FMN1: variants seen among roughly 807,000 people sequenced by gnomAD.
FMN1 encodes the protein formin 1, also known as formin-1.
A neutral mutation model predicts 132.4 loss-of-function variants in FMN1; 110 were observed. The ratio of observed to expected loss-of-function variants is 0.83; its 90% CI spans 0.71 to 0.97. The LOEUF is 0.97. FMN1 is among the 50% of genes least tolerant of loss of function. FMN1 has a pLI of 0.00. For synonymous variants in FMN1, 722 were observed against 651.7 expected, an observed-to-expected ratio of 1.11 and a Z score of -1.64; for missense variants, 1,792 against 1,705.3, an observed-to-expected ratio of 1.05 and a Z score of -0.90.
chr15:32,766,631 TG>T lies in FMN1; in HGVS notation c.*7678del, dbSNP rs1205193592. The T allele has an allele frequency of 6.7e-6, 1 of 149,262 alleles. No homozygotes were observed. The highest frequency in any genetic ancestry group is 1.5e-5 in the Non-Finnish European group (1 of 67,684). The allele number at this position is 149,262 out of a possible 1,614,324, so 9.2% of individuals were successfully genotyped here. On this transcript the variant is annotated 3_prime_UTR_variant, in exon 21 of 21. Coordinates refer to ENST00000616417, the MANE Select transcript of FMN1 (RefSeq NM_001277313.2). The stretch of plus-strand genomic sequence containing the variant: ...CCTTTTTGCTTAAGTGATGAGGTGA[TG>T]CTGACATTAACAAGAGGCAGTCACA...
At chr15:33,003,908 A>G (rs1279799737) in intron 7 of FMN1, among the ~76,000 whole-genome samples, 1 of 152,202 alleles carries the variant, frequency 6.6e-6, no homozygotes, top group Non-Finnish European at 1.5e-5. Flanking sequence ...CAACTATCTG[A>G]TCTTTGACAA....
intron 9 of FMN1, among the ~76,000 whole-genome samples, chr15:32,932,325 C>T (rs755221479): frequency 1.2e-4 from 19 of 152,262 alleles, no homozygotes; most frequent in Middle Eastern, 3.4e-3. Context: ...CACTTGAACC[C>T]GGGAGGCCAA....
chr15:33,060,055 C>T (rs1219970279), intron 6 of FMN1, among the ~76,000 whole-genome samples: 1 of 152,176 alleles, frequency 6.6e-6, no homozygotes, highest in Non-Finnish European at 1.5e-5. Flanking sequence ...TTTTCTGCAC[C>T]CACAAACTGC....
intron 9 of FMN1, among the ~76,000 whole-genome samples, chr15:32,936,849 C>T (rs2061286112): frequency 6.6e-6 from 1 of 152,194 alleles, no homozygotes; most frequent in African/African-American, 2.4e-5. Flanking sequence ...AAGCTCCACT[C>T]TTCTTTCCCC....
At chr15:32,892,300 T>G (rs1256382031) in intron 15 of FMN1, among the ~76,000 whole-genome samples, 1 of 152,224 alleles carries the variant, frequency 6.6e-6, no homozygotes, top group African/African-American at 2.4e-5. Context: ...TTTTTCTGCA[T>G]CTATTGATAT....
chr15:32,970,375 T>C (rs1490674837), intron 7 of FMN1, among the ~76,000 whole-genome samples: 1 of 152,226 alleles, frequency 6.6e-6, no homozygotes, highest in Non-Finnish European at 1.5e-5. Flanking sequence ...TTTTTGTCAA[T>C]TTATTTAATT....
chr15:33,067,712 T>G, intron 5 of FMN1: 1 of 1,614,012 alleles, frequency 6.2e-7, no homozygotes, highest in East Asian at 2.2e-5. Flanking sequence ...ATGGAATGCT[T>G]TCAGCACAGC....
At chr15:33,070,855 A>AGTT (rs2037970868) in intron 5 of FMN1, among the ~76,000 whole-genome samples, 1 of 152,142 alleles carries the variant, frequency 6.6e-6, no homozygotes, top group African/African-American at 2.4e-5. Flanking sequence ...CCATATTATG[A>AGTT]GTTGTTATTA....
At chr15:33,179,254 G>A (rs1270275409) in intron 3 of FMN1, among the ~76,000 whole-genome samples, 2 of 151,994 alleles carry the variant, frequency 1.3e-5, no homozygotes, top group Non-Finnish European at 2.9e-5. Context: ...AATGGCAGTA[G>A]GAAATGTGAA....
chr15:33,128,435 A>G (rs906580196), intron 4 of FMN1, among the ~76,000 whole-genome samples: 1 of 152,148 alleles, frequency 6.6e-6, no homozygotes, highest in African/African-American at 2.4e-5. Flanking sequence ...TCTACCTCCT[A>G]AAAGAATTTT....
At chr15:33,019,590 G>A (rs1016831779) in intron 6 of FMN1, among the ~76,000 whole-genome samples, 1 of 152,204 alleles carries the variant, frequency 6.6e-6, no homozygotes, top group Non-Finnish European at 1.5e-5. Flanking sequence ...GCGAAACTCA[G>A]GCATGGCGAG....
chr15:33,165,281 A>G (rs759552068), intron 3 of FMN1, among the ~76,000 whole-genome samples: 1 of 152,268 alleles, frequency 6.6e-6, no homozygotes, highest in Non-Finnish European at 1.5e-5. Flanking sequence ...TGAGAACTTT[A>G]TATCAGGAAC....
intron 6 of FMN1, among the ~76,000 whole-genome samples, chr15:33,034,319 C>CCAGCA (rs1322436656): frequency 6.6e-6 from 1 of 152,138 alleles, no homozygotes; most frequent in Non-Finnish European, 1.5e-5. Flanking sequence ...CCCTGACGTC[C>CCAGCA]CAGCACTTTG....
chr15:33,135,233 G>A (rs948358985), intron 4 of FMN1, among the ~76,000 whole-genome samples: 13 of 152,194 alleles, frequency 8.5e-5, no homozygotes, highest in South Asian at 2.1e-4. Flanking sequence ...AGGATCTTGC[G>A]CTAGAAGGTT....
At chr15:32,940,373 C>T (rs918851731) in intron 9 of FMN1, among the ~76,000 whole-genome samples, 5 of 149,948 alleles carry the variant, frequency 3.3e-5, no homozygotes, top group African/African-American at 1.2e-4. Flanking sequence ...CCCATGTCTA[C>T]TGCAAACAAA....
rs4332721 is a variant in FMN1, at chr15:33,155,120, C to A, written c.-131-75G>T. 23,450 of 529,848 alleles carry A rather than the reference C, an allele frequency of 0.044. 636 individuals are homozygous for A. Among genetic ancestry groups the A allele is most frequent in the Non-Finnish European group, 0.057 (17,098 of 297,722 alleles). The allele number at this position is 529,848 out of a possible 1,614,324, so 32.8% of individuals were successfully genotyped here. On this transcript the variant is annotated intron_variant, in intron 3 of 20. Coordinates refer to ENST00000616417, the MANE Select transcript of FMN1 (RefSeq NM_001277313.2). ...ATCACACACCAACATAAAATCAAAG[C>A]ATAACCATGACTTATCCTTCCTCTG...
intron 2 of FMN1, among the ~76,000 whole-genome samples, chr15:33,193,320 A>G (rs902782771): frequency 6.6e-6 from 1 of 152,214 alleles, no homozygotes; most frequent in Non-Finnish European, 1.5e-5. Flanking sequence ...AGTAAGCCCT[A>G]GAAACAGCTA....
chr15:33,153,521 C>A lies in FMN1; in HGVS notation c.1394G>T (p.Gly465Val). The change falls in exon 4 of 21, where the codon GGT (glycine) becomes GTT (valine). Residue 465 changes from glycine to valine, a missense_variant. Around this residue, in one of 3 missense-constraint regions of FMN1, gnomAD observed 638 missense variants for 645.2 expected, o/e 0.99. Coordinates refer to ENST00000616417, the MANE Select transcript of FMN1 (RefSeq NM_001277313.2). ...RNKRRAGLPL[G>V]GHKSLFLDLP... ...ATCCAGAAACAAGGACTTGTGGCCACCAAGGGGCAACCCGGCTCTCCTCTT... is the reference window on the plus strand; with the variant it reads ...ATCCAGAAACAAGGACTTGTGGCCAACAAGGGGCAACCCGGCTCTCCTCTT... 6.5e-7 allele frequency: 1 copy of A among 1,536,392 alleles called. No individual in the cohort carries two copies. Among genetic ancestry groups the A allele is most frequent in the Non-Finnish European group, 8.7e-7 (1 of 1,146,964 alleles).
intron 9 of FMN1, among the ~76,000 whole-genome samples, chr15:32,934,431 C>T (rs555325341): frequency 6.6e-6 from 1 of 152,194 alleles, no homozygotes; most frequent in East Asian, 1.9e-4. Context: ...TATCTACAAG[C>T]TTTGCGCTTT....
Sources: gnomAD v4.1 joint callset for allele counts (sites outside exome capture counted in the v4.1 genomes callset) on GRCh38, gnomAD v4.1.1 for gene constraint, gnomAD v4.1.1 regional missense constraint, MANE v1.5 for transcripts, NCBI Gene and HGNC (gene_info 2026-07-23, HGNC 2026-07-21) for gene names.